The following CPEB2 variants were observed in gnomAD, a reference collection of about 807,000 sequenced individuals.
CPEB2 encodes cytoplasmic polyadenylation element binding protein 2.
Under a neutral mutation model 93.6 loss-of-function variants are expected in CPEB2, and 56 were observed. The ratio of observed to expected loss-of-function variants is 0.60; its 90% CI spans 0.48 to 0.75. The LOEUF (loss-of-function observed/expected upper bound fraction) is 0.75, where lower values mean the gene tolerates loss of function less well. Ranked by LOEUF, CPEB2 falls within the 30% of genes least tolerant of loss-of-function variation. The pLI, the probability that CPEB2 is intolerant of heterozygous loss-of-function variation, is 0.00. For missense variants in CPEB2, 1,579 were observed against 1,395.1 expected, an observed-to-expected ratio of 1.13 and a Z score of -2.10; for synonymous variants, 764 against 586.3, an observed-to-expected ratio of 1.30 and a Z score of -4.38.
At chr4:15,018,969 T>TATATATATATATATATATATAC (rs1479960595) in intron 4 of CPEB2, among the ~76,000 whole-genome samples, 10 of 139,186 alleles carry the variant, frequency 7.2e-5, no homozygotes, top group Admixed American at 1.4e-4. Flanking sequence ...TATATATATA[T>TATATATATATATATATATATAC]ACACACGCAC....
chr4:15,006,073 A>G (rs781203051), intron 1 of CPEB2, among the ~76,000 whole-genome samples: 4 of 152,142 alleles, frequency 2.6e-5, no homozygotes, highest in Non-Finnish European at 5.9e-5. Context: ...GGAATTTTAG[A>G]TCACTGGAAG....
intron 6 of CPEB2, among the ~76,000 whole-genome samples, chr4:15,045,881 A>G (rs1476175341): frequency 6.6e-6 from 1 of 152,226 alleles, no homozygotes; most frequent in African/African-American, 2.4e-5. Flanking sequence ...CAAGTAAAAG[A>G]GAAATGATTA....
intron 3 of CPEB2, among the ~76,000 whole-genome samples, chr4:15,014,349 T>A (rs939017961): frequency 6.6e-6 from 1 of 152,038 alleles, no homozygotes; most frequent in Non-Finnish European, 1.5e-5. Context: ...ATTTACAGTA[T>A]ACTCTTAGAA....
chr4:15,053,165 C>T (rs527336143), intron 7 of CPEB2, among the ~76,000 whole-genome samples: 17 of 151,996 alleles, frequency 1.1e-4, no homozygotes, highest in African/African-American at 3.6e-4. Context: ...TACAGGCGCC[C>T]GCCACCATGC....
At chr4:15,019,057 T>C (rs1232962060) in intron 4 of CPEB2, among the ~76,000 whole-genome samples, 10 of 150,658 alleles carry the variant, frequency 6.6e-5, no homozygotes, top group African/African-American at 2.4e-4. Context: ...AAATTATCTT[T>C]GGCTGTGAGA....
chr4:15,052,589 T>G lies in CPEB2; in HGVS notation c.2371+5T>G. On this transcript the variant is annotated splice_donor_5th_base_variant and intron_variant, in intron 7 of 11. Transcript: ENST00000538197. ...TTCCTCCAGATATTGATGAAGGTAT[T>G]TATTAAGATATTTATTAACATGGTG... The G allele has an allele frequency of 6.7e-7, 1 of 1,488,088 alleles. No homozygotes were observed. The highest frequency in any genetic ancestry group is 1.8e-4 in the Middle Eastern group (1 of 5,548). 92.2% of individuals were successfully genotyped at this position (1,488,088 alleles called of 1,614,324 possible). A position where few individuals can be genotyped will look rare whatever the true frequency, so the allele number is the denominator to read the frequency against.
rs1304063615 is a variant in CPEB2 at position 15,003,758 on chromosome 4, C to A, written c.1085C>A (p.Pro362Gln). 9.6e-6 allele frequency: 12 copies of A among 1,248,752 alleles called. No homozygotes were observed. In the African/African-American group the frequency reaches 1.1e-4, roughly 11 times the overall value. 77.4% of individuals were successfully genotyped at this position (1,248,752 alleles called of 1,614,324 possible). A position where few individuals can be genotyped will look rare whatever the true frequency, so the allele number is the denominator to read the frequency against. ...GGGGGGGGGP[P>Q]GGGGGGGSAS... ...GGCGGCGGCGGGGGCGGGGGGCCCC[C>A]AGGAGGCGGAGGGGGAGGCGGCTCC... The change falls in exon 1 of 12, where the codon CCA becomes CAA. Residue 362 changes from proline to glutamine, a missense_variant. By Grantham distance (76) the Pro-to-Gln change is moderately conservative (BLOSUM62 -1). Transcript: ENST00000538197.
rs777766445 is a variant in CPEB2, at chr4:15,066,146, T to C, written c.2878-7T>C. 73 of 1,608,996 alleles carry C rather than the reference T, an allele frequency of 4.5e-5. 1 individual carries two copies. The highest frequency in any genetic ancestry group is 6.0e-5 in the Non-Finnish European group (71 of 1,175,946). On this transcript the variant is annotated splice_region_variant and splice_polypyrimidine_tract_variant and intron_variant, in intron 11 of 11. Coordinates refer to ENST00000538197, the MANE Select transcript of CPEB2 (RefSeq NM_001177382.2). Reference sequence around the variant, plus strand: ...CCTAATGAGACTTAACTTTCTTTTTTTTCAAGGTGGAGGTAAAGCCATATG... The same window carrying C: ...CCTAATGAGACTTAACTTTCTTTTTCTTCAAGGTGGAGGTAAAGCCATATG...
chr4:15,066,441 T>A lies in CPEB2; in HGVS notation c.*61T>A. 1 of 1,164,930 alleles carries A rather than the reference T, an allele frequency of 8.6e-7. No individual in the cohort carries two copies. The highest frequency in any genetic ancestry group is 1.3e-6 in the Non-Finnish European group (1 of 796,658). 72.2% of individuals were successfully genotyped at this position (1,164,930 alleles called of 1,614,324 possible). A position where few individuals can be genotyped will look rare whatever the true frequency, so the allele number is the denominator to read the frequency against. On this transcript the variant is annotated 3_prime_UTR_variant, in exon 12 of 12. Coordinates refer to ENST00000538197, the MANE Select transcript of CPEB2 (RefSeq NM_001177382.2). ...AAGGGTGCATGTGGCTTACTGTGTC[T>A]GAAGATACTGACATGCAGAAGAAAT... is the stretch of plus-strand genomic sequence containing the variant.
chr4:15,031,651 T>C (rs1726106690), intron 4 of CPEB2, among the ~76,000 whole-genome samples: 1 of 152,166 alleles, frequency 6.6e-6, no homozygotes, highest in African/African-American at 2.4e-5. Flanking sequence ...TAACACTTAT[T>C]TTACCTGTGT....
chr4:15,004,434 G>A (rs1036517234), intron 1 of CPEB2, 99 bp downstream of exon 1: 1 of 881,890 alleles, frequency 1.1e-6, no homozygotes, highest in South Asian at 2.1e-5. Flanking sequence ...CCTTAGCCCC[G>A]AGAGAAGCCG....
chr4:15,060,692 T>G (rs1255585957), intron 10 of CPEB2, among the ~76,000 whole-genome samples: 1 of 152,062 alleles, frequency 6.6e-6, no homozygotes, highest in Non-Finnish European at 1.5e-5. Context: ...CAAATAGAAA[T>G]TTCAATTAAA....
intron 8 of CPEB2, among the ~76,000 whole-genome samples, chr4:15,056,694 C>A (rs1728742473): frequency 6.6e-6 from 1 of 152,108 alleles, no homozygotes; most frequent in Non-Finnish European, 1.5e-5. Context: ...GTGAAGCTAC[C>A]TTGTAATTAC....
Position 15,004,316 on chromosome 4 carries a change from A to G in CPEB2, c.1643A>G (p.Asn548Ser), listed in dbSNP as rs1340897610. 5.4e-6 allele frequency: 8 copies of G among 1,486,970 alleles called. No homozygotes were observed. In the South Asian group the frequency reaches 1.0e-4, roughly 19 times the overall value. 92.1% of individuals were successfully genotyped at this position (1,486,970 alleles called of 1,614,324 possible). ...GCCGCCGCCTTCCTGCAGCAGAGGAACTCCTATAACCACCACCAGGTACGG... is the reference window on the plus strand; with the variant it reads ...GCCGCCGCCTTCCTGCAGCAGAGGAGCTCCTATAACCACCACCAGGTACGG... The part of the protein sequence containing the change: ...AAAAAFLQQR[N>S]SYNHHQPLLK... The change falls in exon 1 of 12, where the codon AAC becomes AGC. Residue 548 changes from asparagine to serine, a missense_variant. Physicochemically the swap from Asn to Ser is conservative, Grantham distance 46. Around this residue, in one of 2 missense-constraint regions of CPEB2, gnomAD observed 1,411 missense variants for 1,056.0 expected, o/e 1.34. Transcript: ENST00000538197.
intron 3 of CPEB2, among the ~76,000 whole-genome samples, chr4:15,009,866 A>G (rs1723254856): frequency 6.6e-6 from 1 of 152,212 alleles, no homozygotes; most frequent in Non-Finnish European, 1.5e-5. Flanking sequence ...ATGAAAGGGA[A>G]GCTTTCACAC....
At chr4:15,060,212 C>CTG (rs1729062892) in intron 10 of CPEB2, among the ~76,000 whole-genome samples, 1 of 152,004 alleles carries the variant, frequency 6.6e-6, no homozygotes, top group Non-Finnish European at 1.5e-5. Context: ...CCCAAAGTGC[C>CTG]TGACTTGGGA....
At position 15,008,275 on chromosome 4, in the gene CPEB2, T is replaced by A. The variant is rs886145325; in HGVS notation, c.1945-63T>A. On this transcript the variant is annotated intron_variant, in intron 2 of 11. Transcript: ENST00000538197. ...TTATTTTTTGTTTTCTTTCTTTCTT[T>A]CGTTGGGTGGGTATGGGGAAGACAA... 5.4e-6 allele frequency: 6 copies of A among 1,111,474 alleles called. No homozygotes were observed. The African/African-American group carries it at 7.7e-5, about 14-fold the overall frequency. The allele number at this position is 1,111,474 out of a possible 1,614,324, so 68.9% of individuals were successfully genotyped here.
Position 15,066,328 on chromosome 4 carries a change from TG to T in CPEB2, c.3055del (p.Val1019Ter). The stretch of plus-strand genomic sequence containing the variant: ...GCTGGACGTGAGTTCCATAAGCCAT[TG>T]GTAAAGGAAGGTGCTGATCGCCCAC... ...SRAGREFHKP[L>X]VKEGADRPRQ... is the part of the protein sequence containing the mutation. On this transcript the variant is annotated frameshift_variant, in exon 12 of 12. Transcript: ENST00000538197. LOFTEE classifies it high-confidence loss of function. 1 of 1,613,280 alleles carries T rather than the reference TG, an allele frequency of 6.2e-7. No homozygotes were observed. Among genetic ancestry groups the T allele is most frequent in the Non-Finnish European group, 8.5e-7 (1 of 1,179,562 alleles).
chr4:15,048,119 C>G lies in CPEB2; in HGVS notation c.2201-4295C>G, dbSNP rs1439644619. Among the ~76,000 whole-genome samples, 8 of 152,006 alleles carry G rather than the reference C, an allele frequency of 5.3e-5. No individual in the cohort carries two copies. The East Asian group carries it at 9.6e-4, about 18-fold the overall frequency. ...TTGTTTTCCATTTTTATCTATACTT[C>G]TGGATTCATTCTGCCAATATATTTT... On this transcript the variant is annotated intron_variant, in intron 6 of 11. Coordinates refer to ENST00000538197, the MANE Select transcript of CPEB2 (RefSeq NM_001177382.2).
Sources: gnomAD v4.1 joint callset for allele counts (sites outside exome capture counted in the v4.1 genomes callset) on GRCh38, gnomAD v4.1.1 for gene constraint, gnomAD v4.1.1 regional missense constraint, MANE v1.5 for transcripts, NCBI Gene and HGNC (gene_info 2026-07-23, HGNC 2026-07-21) for gene names.